UVSSA: variants seen among roughly 807,000 people sequenced by gnomAD.
The protein encoded by UVSSA is UV stimulated scaffold protein A, also known as UV-stimulated scaffold protein A.
In UVSSA, 72 loss-of-function variants were observed where a neutral mutation model predicts 73.9. The ratio of observed to expected loss-of-function variants is 0.97; its 90% CI spans 0.81 to 1.19. The LOEUF (loss-of-function observed/expected upper bound fraction) is 1.19, where lower values mean the gene tolerates loss of function less well. Ranked by LOEUF, UVSSA falls within the 50% of genes most tolerant of loss-of-function variation. The pLI is 0.00. For missense variants in UVSSA, 1,150 were observed against 965.0 expected, an observed-to-expected ratio of 1.19 and a Z score of -2.54; for synonymous variants, 454 against 391.3, an observed-to-expected ratio of 1.16 and a Z score of -1.89.
chr4:1,371,801 A>G (rs1718072739), intron 8 of UVSSA, among the ~76,000 whole-genome samples: 1 of 152,132 alleles, frequency 6.6e-6, no homozygotes, highest in Admixed American at 6.5e-5. Flanking sequence ...ATAAGATGAG[A>G]TTTGAGTGGG....
chr4:1,388,928 T>C (rs1336581515), downstream of UVSSA: 1 of 152,202 alleles, frequency 6.6e-6, no homozygotes, highest in Non-Finnish European at 1.5e-5. Context: ...TTTAGTCACG[T>C]CACTACTGAC....
chr4:1,366,462 TG>T, intron 8 of UVSSA, 31 bp downstream of exon 8: 1 of 1,542,210 alleles, frequency 6.5e-7, no homozygotes, highest in Non-Finnish European at 8.8e-7. Context: ...GGGGGGCACC[TG>T]GGTGGAGGGT....
Position 1,355,139 on chromosome 4 carries a change from A to C in UVSSA, c.1070A>C (p.His357Pro). The C allele has an allele frequency of 6.2e-6, 10 of 1,613,726 alleles. No homozygotes were observed. Among genetic ancestry groups the C allele is most frequent in the Non-Finnish European group, 8.5e-6 (10 of 1,179,914 alleles). ...WIQRFTRVGT[H>P]GGCLKRAIDL... ...CAGCGCTTCACCCGCGTCGGGACCC[A>C]CGGTGGATGTTTAAAGCGTGCCATT... The change falls in exon 7 of 14, where the codon CAC (histidine) becomes CCC (proline). Residue 357 changes from histidine to proline, a missense_variant. By Grantham distance (77) the His-to-Pro change is moderately conservative. Coordinates refer to ENST00000389851, the MANE Select transcript of UVSSA (RefSeq NM_020894.4).
chr4:1,361,869 T>C (rs867746094), intron 7 of UVSSA, among the ~76,000 whole-genome samples: 1 of 151,510 alleles, frequency 6.6e-6, no homozygotes, highest in East Asian at 1.9e-4. Context: ...TTTTTTTTTT[T>C]ATAAAAAGGG....
upstream of UVSSA, among the ~76,000 whole-genome samples, chr4:1,346,527 C>G (rs1013168260): frequency 6.6e-6 from 1 of 152,202 alleles, no homozygotes; most frequent in Non-Finnish European, 1.5e-5. Context: ...CCGCCCAGGG[C>G]CAGCCCGGGC....
intron 7 of UVSSA, among the ~76,000 whole-genome samples, chr4:1,355,690 T>C (rs1368511004): frequency 6.6e-6 from 1 of 152,026 alleles, no homozygotes; most frequent in Admixed American, 6.5e-5. Context: ...AAGACTTGGG[T>C]TACTGTCTGC....
intron 10 of UVSSA, among the ~76,000 whole-genome samples, chr4:1,378,358 G>A (rs1160470930): frequency 6.6e-6 from 1 of 152,210 alleles, no homozygotes; most frequent in African/African-American, 2.4e-5. Context: ...TTCGAGACCA[G>A]CCTGGCCAAC....
At chr4:1,371,256 CTGTGTGTGTGTGTGTG>C (rs34839757) in intron 8 of UVSSA, among the ~76,000 whole-genome samples, 2,269 of 146,612 alleles carry the variant, frequency 0.015, 70 homozygotes, top group African/African-American at 0.052. Context: ...GTGGGTGGAC[CTGTGTGTGTGTGTGTG>C]TGTGTGTGTG....
chr4:1,377,343 G>A (rs1406614926), intron 10 of UVSSA, among the ~76,000 whole-genome samples: 7 of 152,212 alleles, frequency 4.6e-5, no homozygotes, highest in Non-Finnish European at 8.8e-5. Flanking sequence ...TGGTAAGCGA[G>A]GCAGGCCCTG....
intron 8 of UVSSA, among the ~76,000 whole-genome samples, chr4:1,372,180 A>G (rs1331366636): frequency 2.0e-5 from 3 of 151,964 alleles, no homozygotes; most frequent in African/African-American, 7.3e-5. Flanking sequence ...CTTTATTTTC[A>G]ACTTTTCACT....
At chr4:1,349,038 G>C (rs1361818307) in intron 2 of UVSSA, among the ~76,000 whole-genome samples, 16 of 139,658 alleles carry the variant, frequency 1.1e-4, no homozygotes, top group African/African-American at 4.0e-4. Context: ...GCCAGGCGGT[G>C]TGTGTTTGTG....
chr4:1,359,643 T>G (rs1716336189), intron 7 of UVSSA, among the ~76,000 whole-genome samples: 2 of 152,144 alleles, frequency 1.3e-5, no homozygotes, highest in Admixed American at 6.5e-5. Context: ...TCGCCGATGT[T>G]GAGTCTGATG....
intron 8 of UVSSA, among the ~76,000 whole-genome samples, chr4:1,367,448 CAT>C (rs77128276): frequency 0.042 from 6,330 of 152,258 alleles, 266 homozygotes; most frequent in East Asian, 0.2. Context: ...TTAGACAACT[CAT>C]GTGTGAAGAT....
downstream of UVSSA, chr4:1,391,227 G>C (rs892428484): frequency 1.5e-4 from 22 of 150,096 alleles, no homozygotes; most frequent in African/African-American, 5.0e-4. Context: ...TGTTGGGTCA[G>C]AGGTTGGTGT....
Position 1,355,175 on chromosome 4 carries a change from C to A in UVSSA, c.1106C>A (p.Ala369Asp), listed in dbSNP as rs780224765. 1.9e-6 allele frequency: 3 copies of A among 1,613,874 alleles called. No individual in the cohort carries two copies. Among genetic ancestry groups the A allele is most frequent in the Non-Finnish European group, 2.5e-6 (3 of 1,179,926 alleles). Residue 369 changes from alanine (A) to aspartate (D), a missense_variant, in exon 7 of 14, where the codon GCT (alanine) becomes GAT (aspartate). Transcript: ENST00000389851. ...TTAAAGCGTGCCATTGACCTGAAGG[C>A]TGAATTGGAGCTCGTACTGAGAAAA... is the stretch of plus-strand genomic sequence containing the variant. ...GCLKRAIDLKAELELVLRKYK... is the reference protein window; with the variant it reads ...GCLKRAIDLKDELELVLRKYK...
chr4:1,343,211 C>T (rs536601460), upstream of UVSSA, among the ~76,000 whole-genome samples: 40 of 152,276 alleles, frequency 2.6e-4, no homozygotes, highest in African/African-American at 7.2e-4. Context: ...GGCCTCTCTT[C>T]CCGGCTTGCA....
chr4:1,386,069 G>A lies in UVSSA; in HGVS notation c.*108G>A. 1 of 1,143,766 alleles carries A rather than the reference G, an allele frequency of 8.7e-7. No individual in the cohort carries two copies. Among genetic ancestry groups the A allele is most frequent in the Non-Finnish European group, 1.3e-6 (1 of 771,524 alleles). The allele number at this position is 1,143,766 out of a possible 1,614,324, so 70.9% of individuals were successfully genotyped here. ...CAGTAACCATGCTTTGTCTATTACT[G>A]TGTTTGATGTAAAGAAATGGTGTGT... is the stretch of plus-strand genomic sequence containing the variant. On this transcript the variant is annotated 3_prime_UTR_variant, in exon 14 of 14. Coordinates refer to ENST00000389851, the MANE Select transcript of UVSSA (RefSeq NM_020894.4).
chr4:1,388,548 C>T (rs1032710780), downstream of UVSSA: 8 of 152,172 alleles, frequency 5.3e-5, no homozygotes, highest in Admixed American at 2.0e-4. Flanking sequence ...TTGATCTTAG[C>T]GGGAAGCTTT....
intron 8 of UVSSA, 91 bp from the exon 9 acceptor site, chr4:1,375,273 C>A: frequency 6.4e-7 from 1 of 1,562,818 alleles, no homozygotes; most frequent in Non-Finnish European, 8.7e-7. Flanking sequence ...AACACGCTAA[C>A]GCATAGGCGC....
Sources: allele counts gnomAD v4.1 joint callset (sites outside exome capture counted in the v4.1 genomes callset), GRCh38; gene constraint gnomAD v4.1.1; transcripts MANE v1.5; gene names NCBI Gene and HGNC (gene_info 2026-07-23, HGNC 2026-07-21).